The following TNFRSF11A variants were observed in gnomAD, a reference collection of about 807,000 sequenced individuals.
TNFRSF11A encodes the protein tumor necrosis factor receptor superfamily member 11A.
Under a neutral mutation model 55.7 loss-of-function variants are expected in TNFRSF11A, and 32 were observed. The ratio of observed to expected loss-of-function variants is 0.57; its 90% CI spans 0.43 to 0.77. The LOEUF is 0.77. TNFRSF11A is among the 30% of genes least tolerant of loss of function. The pLI, the probability that TNFRSF11A is intolerant of heterozygous loss-of-function variation, is 0.00. For missense variants in TNFRSF11A, 753 were observed against 809.8 expected (o/e 0.93, Z 0.85); for synonymous variants, 311 against 331.0 (o/e 0.94, Z 0.65).
chr18:62,378,397 C>T (rs753846108), intron 9 of TNFRSF11A, among the ~76,000 whole-genome samples: 2 of 152,162 alleles, frequency 1.3e-5, no homozygotes, highest in African/African-American at 2.4e-5. Flanking sequence ...TTGAGGACTT[C>T]GGCAGAGCAA....
chr18:62,372,489 T>TA (rs34799559), intron 9 of TNFRSF11A, among the ~76,000 whole-genome samples: 15,367 of 151,590 alleles, frequency 0.1, 794 homozygotes, highest in East Asian at 0.15. Flanking sequence ...TTTTTTTTTT[T>TA]ATCTTTTAAA....
intron 1 of TNFRSF11A, among the ~76,000 whole-genome samples, chr18:62,333,037 G>A (rs2046177976): frequency 6.6e-6 from 1 of 152,196 alleles, no homozygotes; most frequent in South Asian, 2.1e-4. Flanking sequence ...GATTCTGAGA[G>A]GAAAAGAGAG....
chr18:62,351,109 T>C (rs1477696835), intron 3 of TNFRSF11A, among the ~76,000 whole-genome samples: 1 of 151,710 alleles, frequency 6.6e-6, no homozygotes, highest in Non-Finnish European at 1.5e-5. Context: ...TTTAAGCTAT[T>C]CTGCTGCCTC....
intron 8 of TNFRSF11A, among the ~76,000 whole-genome samples, chr18:62,367,788 C>CTTTTTTTTTTTTTTTTTTT (rs67721371): frequency 2.9e-4 from 23 of 78,670 alleles, no homozygotes; most frequent in Admixed American, 7.5e-4. Context: ...TCTTCTTCTT[C>CTTTTTTTTTTTTTTTTTTT]TTTTTTTTTT....
chr18:62,355,411 G>A (rs1424684064), intron 4 of TNFRSF11A, among the ~76,000 whole-genome samples: 1 of 151,958 alleles, frequency 6.6e-6, no homozygotes, highest in Non-Finnish European at 1.5e-5. Flanking sequence ...TTGAATAACT[G>A]GGATTACCGG....
intron 2 of TNFRSF11A, among the ~76,000 whole-genome samples, chr18:62,349,459 G>T (rs1286336146): frequency 6.6e-6 from 1 of 152,172 alleles, no homozygotes; most frequent in Non-Finnish European, 1.5e-5. Context: ...GGGATTACAG[G>T]TGTGAGCCAC....
intron 3 of TNFRSF11A, among the ~76,000 whole-genome samples, chr18:62,350,960 C>T (rs887816056): frequency 6.7e-6 from 1 of 149,784 alleles, no homozygotes; most frequent in Non-Finnish European, 1.5e-5. Flanking sequence ...CCCTTGGTAT[C>T]ATTTAATGTA....
At chr18:62,340,030 T>C (rs8094368) in intron 1 of TNFRSF11A, among the ~76,000 whole-genome samples, 101,677 of 151,564 alleles carry the variant, frequency 0.67, 34,245 homozygotes, top group East Asian at 0.77. Flanking sequence ...TCCCTAGGCC[T>C]TGTAGTCCCA....
Position 62,325,988 on chromosome 18 carries a change from G to A in TNFRSF11A, c.75+561G>A, listed in dbSNP as rs544436897. Among the ~76,000 whole-genome samples, 18 of 152,188 alleles carry A rather than the reference G, an allele frequency of 1.2e-4. No individual in the cohort carries two copies. The highest frequency in any genetic ancestry group is 9.7e-4 in the East Asian group (5 of 5,172). ...CACGGCGGGGAGAGACTGCGCGCGC[G>A]CCCCGGGGATGCTGGACTTGACCCT... is the stretch of plus-strand genomic sequence containing the variant. On this transcript the variant is annotated intron_variant, in intron 1 of 9. Transcript: ENST00000586569. The surrounding 1 kb of genome is among the most constrained non-coding windows in gnomAD (Gnocchi z 4.7).
chr18:62,378,652 T>C (rs1194409605), intron 9 of TNFRSF11A, among the ~76,000 whole-genome samples: 2 of 152,264 alleles, frequency 1.3e-5, no homozygotes, highest in East Asian at 3.8e-4. Context: ...GTTTGACCCT[T>C]ATGCTATCCT....
At chr18:62,366,842 A>T in intron 8 of TNFRSF11A, 82 bp downstream of exon 8, 1 of 1,185,808 alleles carries the variant, frequency 8.4e-7, no homozygotes, top group Non-Finnish European at 1.2e-6. Context: ...CATATTGAGC[A>T]CCCCCCCCCA....
intron 9 of TNFRSF11A, 116 bp from the exon 10 acceptor site, chr18:62,384,635 C>A: frequency 1.6e-6 from 2 of 1,273,658 alleles, no homozygotes; most frequent in Non-Finnish European, 2.2e-6. Context: ...TCCCTGTGGC[C>A]CCGGGCTGTG....
intron 1 of TNFRSF11A, among the ~76,000 whole-genome samples, chr18:62,334,790 G>A (rs1383959203): frequency 2.0e-5 from 3 of 152,114 alleles, no homozygotes; most frequent in Non-Finnish European, 4.4e-5. Flanking sequence ...GAACACACAT[G>A]GCCTCTGGGT....
At position 62,389,817 on chromosome 18, in the gene TNFRSF11A, C is replaced by G. The variant is rs547438594; in HGVS notation, c.*4783C>G. 6.6e-6 allele frequency: 1 copy of G among 152,344 alleles called. No homozygotes were observed. The highest frequency in any genetic ancestry group is 1.5e-5 in the Non-Finnish European group (1 of 68,052). The allele number at this position is 152,344 out of a possible 1,614,324, so 9.4% of individuals were successfully genotyped here. ...CCAGATCTTCGTACTAACCAAGGAGCTGGTGACACTACCCTCTTCCCTGTG... is the reference window on the plus strand; with the variant it reads ...CCAGATCTTCGTACTAACCAAGGAGGTGGTGACACTACCCTCTTCCCTGTG... On this transcript the variant is annotated 3_prime_UTR_variant, in exon 10 of 10. Coordinates refer to ENST00000586569, the MANE Select transcript of TNFRSF11A (RefSeq NM_003839.4).
At chr18:62,349,682 G>C in intron 2 of TNFRSF11A, 130 bp from the exon 3 acceptor site, 5 of 1,062,406 alleles carry the variant, frequency 4.7e-6, no homozygotes, top group Non-Finnish European at 7.1e-6. Flanking sequence ...TTTGGGGGGT[G>C]TCCTGGGATC....
intron 9 of TNFRSF11A, among the ~76,000 whole-genome samples, chr18:62,369,863 T>C (rs563214716): frequency 2.1e-3 from 320 of 152,312 alleles, no homozygotes; most frequent in Non-Finnish European, 3.9e-3. Context: ...TTCTGCTTTT[T>C]GGTTTTTGTT....
intron 1 of TNFRSF11A, among the ~76,000 whole-genome samples, chr18:62,340,274 A>G (rs1000138400): frequency 6.6e-6 from 1 of 151,938 alleles, no homozygotes; most frequent in Non-Finnish European, 1.5e-5. Context: ...GCTGGAGTGC[A>G]GTGGTGCAAT....
intron 1 of TNFRSF11A, among the ~76,000 whole-genome samples, chr18:62,341,203 C>A (rs34213471): frequency 0.057 from 8,610 of 152,248 alleles, 451 homozygotes; most frequent in East Asian, 0.25. Context: ...CTGACTGAAC[C>A]CCCAGACAGA....
At chr18:62,382,747 A>G (rs1911383109) in intron 9 of TNFRSF11A, among the ~76,000 whole-genome samples, 1 of 150,946 alleles carries the variant, frequency 6.6e-6, no homozygotes, top group Non-Finnish European at 1.5e-5. Context: ...CCTTGCCTAC[A>G]CCACCACACC....
Sources: gnomAD v4.1 joint callset for allele counts (sites outside exome capture counted in the v4.1 genomes callset) on GRCh38, gnomAD v4.1.1 for gene constraint, Gnocchi (gnomAD v3.1) non-coding constraint, MANE v1.5 for transcripts, NCBI Gene and HGNC (gene_info 2026-07-23, HGNC 2026-07-21) for gene names.